Variants in DACH2 observed in about 807,000 individuals in gnomAD.
DACH2 encodes dachshund family transcription factor 2.
A neutral mutation model predicts 35.8 loss-of-function variants in DACH2; 17 were observed. The ratio of observed to expected loss-of-function variants is 0.48; its 90% CI spans 0.33 to 0.71. DACH2 has a LOEUF of 0.71. DACH2 is among the 30% of genes least tolerant of loss of function. DACH2 has a pLI of 0.02. For synonymous variants in DACH2, 195 were observed against 177.3 expected, an observed-to-expected ratio of 1.10 and a Z score of -0.79; for missense variants, 469 against 472.7, an observed-to-expected ratio of 0.99 and a Z score of 0.07.
intron 3 of DACH2, among the ~76,000 whole-genome samples, chrX:86,613,313 G>C (rs780661609): frequency 1.8e-5 from 2 of 111,077 alleles, no homozygotes; most frequent in South Asian, 7.6e-4. Context: ...CAGTGATTGT[G>C]TTTCTCTAAC....
chrX:86,738,866 T>C (rs1305431196), intron 6 of DACH2, among the ~76,000 whole-genome samples: 4 of 111,842 alleles, frequency 3.6e-5, no homozygotes, highest in African/African-American at 9.7e-5. Flanking sequence ...GTACTGTGAC[T>C]ATTAAAATAT....
chrX:86,478,646 G>T (rs1196864185), intron 2 of DACH2, among the ~76,000 whole-genome samples: 2 of 107,505 alleles, frequency 1.9e-5, no homozygotes, highest in Non-Finnish European at 3.8e-5. Context: ...AACTGGAGGG[G>T]TTCCCTTATC....
At chrX:86,773,224 A>C (rs973340064) in intron 7 of DACH2, among the ~76,000 whole-genome samples, 2 of 112,095 alleles carry the variant, frequency 1.8e-5, no homozygotes, top group African/African-American at 6.5e-5. Context: ...AATCTGAAAG[A>C]GTTCCTTATC....
chrX:86,563,162 T>A (rs2039247996), intron 3 of DACH2, among the ~76,000 whole-genome samples: 1 of 109,266 alleles, frequency 9.2e-6, no homozygotes, highest in Non-Finnish European at 1.9e-5. Context: ...CAACACTTTA[T>A]AAGTATGGTA....
At chrX:86,592,669 G>A (rs750874974) in intron 3 of DACH2, among the ~76,000 whole-genome samples, 30 of 112,130 alleles carry the variant, frequency 2.7e-4, no homozygotes, top group African/African-American at 9.7e-4. Context: ...GAATATGCTT[G>A]TATTTATTTA....
chrX:86,241,390 G>T (rs1480988934), intron 1 of DACH2, among the ~76,000 whole-genome samples: 2 of 111,867 alleles, frequency 1.8e-5, no homozygotes, highest in African/African-American at 6.5e-5. Flanking sequence ...TGAGAGAGAT[G>T]AATCAGGGTA....
chrX:86,539,261 C>T (rs543221461), intron 3 of DACH2, among the ~76,000 whole-genome samples: 60 of 111,412 alleles, frequency 5.4e-4, no homozygotes, highest in Middle Eastern at 9.3e-3. Flanking sequence ...CTTGTGAATA[C>T]GTGCCTTGGT....
intron 2 of DACH2, among the ~76,000 whole-genome samples, chrX:86,383,766 T>TA (rs756346273): frequency 6.6e-4 from 72 of 108,424 alleles, no homozygotes; most frequent in Non-Finnish European, 1.2e-3. Context: ...GTGACTAAGA[T>TA]AATGTTGTTT....
intron 1 of DACH2, among the ~76,000 whole-genome samples, chrX:86,316,969 T>C (rs997496711): frequency 9.1e-6 from 1 of 109,536 alleles, no homozygotes; most frequent in African/African-American, 3.3e-5. Context: ...AATACAAAAA[T>C]TAGCAGAGTG....
At chrX:86,415,949 G>C (rs1266663345) in intron 2 of DACH2, among the ~76,000 whole-genome samples, 8 of 111,842 alleles carry the variant, frequency 7.2e-5, no homozygotes, top group Admixed American at 1.9e-4. Context: ...GTACTCATTG[G>C]TTTTATTATC....
At chrX:86,423,192 G>A (rs2036833475) in intron 2 of DACH2, among the ~76,000 whole-genome samples, 1 of 111,140 alleles carries the variant, frequency 9.0e-6, no homozygotes. Flanking sequence ...AGCCAGCAGG[G>A]AGATTGCGGA....
intron 7 of DACH2, among the ~76,000 whole-genome samples, chrX:86,790,146 T>C (rs1232989975): frequency 8.9e-6 from 1 of 111,853 alleles, no homozygotes; most frequent in African/African-American, 3.2e-5. Flanking sequence ...TCATTAAAAT[T>C]GAATTGGACA....
chrX:86,522,861 C>G (rs2038577572), intron 3 of DACH2, among the ~76,000 whole-genome samples: 1 of 111,625 alleles, frequency 9.0e-6, no homozygotes, highest in Non-Finnish European at 1.9e-5. Flanking sequence ...TTCTCTGTAT[C>G]TCTGCAGAAG....
Position 86,318,719 on chromosome X carries a change from G to A in DACH2, c.489-58105G>A, listed in dbSNP as rs1007179003. Among the ~76,000 whole-genome samples, 4 of 111,044 alleles carry A rather than the reference G, an allele frequency of 3.6e-5. No individual in the cohort carries two copies. The East Asian group carries it at 8.5e-4, about 24-fold the overall frequency. On this transcript the variant is annotated intron_variant, in intron 1 of 11. Coordinates refer to ENST00000373125, the MANE Select transcript of DACH2 (RefSeq NM_053281.3). ...AAATAATCCTGTTTACCTCTCTTCC[G>A]GATGCTCCAGGGGCCCTCTGTAGCA...
chrX:86,293,786 G>C (rs2034369054), intron 1 of DACH2, among the ~76,000 whole-genome samples: 1 of 111,698 alleles, frequency 9.0e-6, no homozygotes, highest in African/African-American at 3.3e-5. Context: ...TTTCTGCCGA[G>C]AGATCAGCTG....
At chrX:86,434,087 A>G (rs1229627338) in intron 2 of DACH2, among the ~76,000 whole-genome samples, 1 of 112,414 alleles carries the variant, frequency 8.9e-6, no homozygotes, top group Non-Finnish European at 1.9e-5. Context: ...ACTGTATGAG[A>G]GAAAAAAACA....
chrX:86,557,177 C>T (rs966751521), intron 3 of DACH2, among the ~76,000 whole-genome samples: 9 of 110,966 alleles, frequency 8.1e-5, no homozygotes, highest in Non-Finnish European at 1.3e-4. Flanking sequence ...TATCTACCCA[C>T]ATTGGTAAGG....
chrX:86,553,246 G>T (rs1367944863), intron 3 of DACH2, among the ~76,000 whole-genome samples: 3 of 111,508 alleles, frequency 2.7e-5, no homozygotes, highest in South Asian at 3.8e-4. Flanking sequence ...AAAAGCTGAA[G>T]AACTTGGAGT....
At chrX:86,580,377 A>G (rs1444146279) in intron 3 of DACH2, among the ~76,000 whole-genome samples, 1 of 111,607 alleles carries the variant, frequency 9.0e-6, no homozygotes, top group African/African-American at 3.3e-5. Context: ...TATTGAACTT[A>G]ACTATGCTGA....
Sources: gnomAD v4.1 joint callset for allele counts (sites outside exome capture counted in the v4.1 genomes callset) on GRCh38, gnomAD v4.1.1 for gene constraint, MANE v1.5 for transcripts, NCBI Gene and HGNC (gene_info 2026-07-23, HGNC 2026-07-21) for gene names.